The following BICD1 variants were observed in gnomAD, a reference collection of about 807,000 sequenced individuals.
BICD1 encodes the protein protein bicaudal D homolog 1.
In BICD1, 35 loss-of-function variants were observed where a neutral mutation model predicts 92.5. The observed-to-expected ratio is 0.38, with a 90% CI of 0.29 to 0.50. The LOEUF is 0.50. Ranked by LOEUF, BICD1 falls within the 20% of genes least tolerant of loss-of-function variation. The pLI is 0.93. For missense variants in BICD1, 950 were observed against 1,189.8 expected (o/e 0.80, Z 2.97); for synonymous variants, 429 against 465.1 (o/e 0.92, Z 1.00).
intron 2 of BICD1, among the ~76,000 whole-genome samples, chr12:32,277,092 C>G (rs183720154): frequency 2.6e-5 from 4 of 152,312 alleles, no homozygotes; most frequent in Admixed American, 2.0e-4. Context: ...CCACTCACCT[C>G]TTTATAAAAC....
At chr12:32,255,066 A>G (rs1184932307) in intron 2 of BICD1, among the ~76,000 whole-genome samples, 1 of 152,070 alleles carries the variant, frequency 6.6e-6, no homozygotes, top group African/African-American at 2.4e-5. Context: ...GAGGTCTAAG[A>G]TCGAGGTGTC....
intron 8 of BICD1, chr12:32,340,343 A>G (rs1938315322): frequency 3.0e-6 from 3 of 985,454 alleles, no homozygotes; most frequent in Non-Finnish European, 3.6e-6. Flanking sequence ...TTTTAATTTC[A>G]TAACTGATTT....
chr12:32,189,792 G>C (rs1224269029), intron 1 of BICD1, among the ~76,000 whole-genome samples: 2 of 150,860 alleles, frequency 1.3e-5, no homozygotes, highest in Non-Finnish European at 2.9e-5. Context: ...TCTGCCTCCC[G>C]GGTTCAAGAG....
chr12:32,165,972 G>A (rs1029397905), intron 1 of BICD1, among the ~76,000 whole-genome samples: 3 of 151,986 alleles, frequency 2.0e-5, no homozygotes, highest in African/African-American at 7.2e-5. Context: ...TACGAAAAAG[G>A]CCTATCTCAG....
intron 1 of BICD1, among the ~76,000 whole-genome samples, chr12:32,135,419 G>A (rs1021105802): frequency 2.0e-5 from 2 of 100,158 alleles, no homozygotes; most frequent in Non-Finnish European, 3.7e-5. Context: ...TTTTTTTTGA[G>A]ACAGGGTCTC....
At chr12:32,198,546 C>CTTTTTTTTTTTT (rs113075749) in intron 1 of BICD1, among the ~76,000 whole-genome samples, 1 of 134,508 alleles carries the variant, frequency 7.4e-6, no homozygotes. Flanking sequence ...TATCCCCACT[C>CTTTTTTTTTTTT]TTTTTTTTTT....
intron 1 of BICD1, among the ~76,000 whole-genome samples, chr12:32,184,782 T>A (rs1256751082): frequency 1.3e-5 from 2 of 152,234 alleles, no homozygotes; most frequent in African/African-American, 4.8e-5. Context: ...AAGTTTATGA[T>A]ACCTAAATTC....
At chr12:32,155,662 C>A (rs1455781174) in intron 1 of BICD1, among the ~76,000 whole-genome samples, 4 of 151,968 alleles carry the variant, frequency 2.6e-5, no homozygotes, top group African/African-American at 7.3e-5. Flanking sequence ...CTTGTTTGTG[C>A]CTCAAATTGC....
At chr12:32,335,833 C>T (rs901801445) in intron 6 of BICD1, among the ~76,000 whole-genome samples, 5 of 152,042 alleles carry the variant, frequency 3.3e-5, no homozygotes, top group African/African-American at 7.2e-5. Context: ...GATCCGCCCA[C>T]CTCGGCCTCC....
chr12:32,360,040 C>T lies in BICD1; in HGVS notation c.2765-7630C>T, dbSNP rs1939260651. ...CTCTACTAAAAATACAAAAAATTAGCCAGGCGTGGTGGTGGGTGCCTGTAG... is the reference window on the plus strand; with the variant it reads ...CTCTACTAAAAATACAAAAAATTAGTCAGGCGTGGTGGTGGGTGCCTGTAG... On this transcript the variant is annotated intron_variant, in intron 8 of 9. Coordinates refer to ENST00000652176, the MANE Select transcript of BICD1 (RefSeq NM_001714.4). Among the ~76,000 whole-genome samples the T allele has an allele frequency of 3.3e-5, 5 of 152,178 alleles. No homozygotes were observed. In the South Asian group the frequency reaches 1.0e-3, roughly 32 times the overall value.
chr12:32,376,114 T>C (rs1239218983), intron 9 of BICD1, among the ~76,000 whole-genome samples: 1 of 148,274 alleles, frequency 6.7e-6, no homozygotes, highest in Non-Finnish European at 1.5e-5. Context: ...AGACGGAGTC[T>C]CGCCCTGTTG....
At chr12:32,284,021 G>A (rs1269926521) in intron 2 of BICD1, among the ~76,000 whole-genome samples, 2 of 152,210 alleles carry the variant, frequency 1.3e-5, no homozygotes, top group African/African-American at 4.8e-5. Flanking sequence ...CCTCTACCCC[G>A]AAACTTTCCT....
Position 32,282,202 on chromosome 12 carries a change from CTTTTTTTTTTTTTTTTTTTT to C in BICD1, c.427-11775_427-11756del, listed in dbSNP as rs56217529. ...GCAAGACCCAGCTTCAGGTCTTCTT[CTTTTTTTTTTTTTTTTTTTT>C]TTTTTTTTTTTTTTTTGACACAGGG... is the stretch of plus-strand genomic sequence containing the variant. On this transcript the variant is annotated intron_variant, in intron 2 of 9. Transcript: ENST00000652176. 1.9e-4 allele frequency among the ~76,000 whole-genome samples: 18 copies of C among 94,254 alleles called. No homozygotes were observed. In the East Asian group the frequency reaches 5.8e-3, roughly 31 times the overall value. The allele number at this position is 94,254 out of a possible 152,430, so 61.8% of individuals were successfully genotyped here.
At chr12:32,235,701 T>C (rs1279482211) in intron 2 of BICD1, among the ~76,000 whole-genome samples, 3 of 141,602 alleles carry the variant, frequency 2.1e-5, no homozygotes, top group Non-Finnish European at 4.5e-5. Context: ...CTTTTTCTTT[T>C]CTTTTTTTTT....
chr12:32,286,768 T>C (rs936975199), intron 2 of BICD1, among the ~76,000 whole-genome samples: 1 of 152,194 alleles, frequency 6.6e-6, no homozygotes, highest in African/African-American at 2.4e-5. Flanking sequence ...TGTTTTATTA[T>C]TCATTCCATG....
intron 8 of BICD1, among the ~76,000 whole-genome samples, chr12:32,366,710 G>A (rs1592725423): frequency 6.6e-6 from 1 of 152,194 alleles, no homozygotes; most frequent in South Asian, 2.1e-4. Flanking sequence ...AGTCTAAGCA[G>A]TTGGCAAGAG....
intron 1 of BICD1, among the ~76,000 whole-genome samples, chr12:32,147,395 G>A (rs1017904401): frequency 6.6e-6 from 1 of 152,102 alleles, no homozygotes; most frequent in Non-Finnish European, 1.5e-5. Flanking sequence ...TCAGGTGGCG[G>A]TGGTGGATTT....
chr12:32,315,826 AT>A (rs1948483535), intron 4 of BICD1, among the ~76,000 whole-genome samples: 1 of 152,096 alleles, frequency 6.6e-6, no homozygotes, highest in Non-Finnish European at 1.5e-5. Context: ...GATAGTAAAC[AT>A]TTTATTATAA....
chr12:32,137,861 G>A (rs1240952354), intron 1 of BICD1, among the ~76,000 whole-genome samples: 1 of 151,730 alleles, frequency 6.6e-6, no homozygotes. Flanking sequence ...GCAGTGGCGC[G>A]ATCTCAGTTC....
Sources: gnomAD v4.1 joint callset for allele counts (sites outside exome capture counted in the v4.1 genomes callset) on GRCh38, gnomAD v4.1.1 for gene constraint, MANE v1.5 for transcripts, NCBI Gene and HGNC (gene_info 2026-07-23, HGNC 2026-07-21) for gene names.